ATG3: variants seen among roughly 807,000 people sequenced by gnomAD.
The protein encoded by ATG3 is ubiquitin-like-conjugating enzyme ATG3.
Under a neutral mutation model 50.7 loss-of-function variants are expected in ATG3, and 25 were observed. The observed-to-expected ratio is 0.49, with a 90% CI of 0.36 to 0.69. The LOEUF is 0.69. Ranked by LOEUF, ATG3 falls within the 30% of genes least tolerant of loss-of-function variation. ATG3 has a pLI of 0.00. For missense variants in ATG3, 281 were observed against 376.0 expected (o/e 0.75, Z 2.09); for synonymous variants, 119 against 125.5 (o/e 0.95, Z 0.34).
At chr3:112,544,650 G>A (rs764594377) in intron 5 of ATG3, among the ~76,000 whole-genome samples, 2 of 4,472 alleles carry the variant, frequency 4.5e-4, no homozygotes, top group Admixed American at 0.01. Context: ...GCGAAACTCC[G>A]TCTCAGGGAA....
chr3:112,554,836 C>G (rs1339616898), intron 2 of ATG3, among the ~76,000 whole-genome samples: 1 of 152,098 alleles, frequency 6.6e-6, no homozygotes, highest in Admixed American at 6.6e-5. Context: ...TAAGATGAAA[C>G]ATTAACAAGA....
intron 5 of ATG3, among the ~76,000 whole-genome samples, chr3:112,545,392 A>C (rs1210993741): frequency 6.6e-6 from 1 of 152,236 alleles, no homozygotes; most frequent in Non-Finnish European, 1.5e-5. Flanking sequence ...ATATAGTAAA[A>C]CAATAGCATC....
intron 5 of ATG3, among the ~76,000 whole-genome samples, chr3:112,548,238 G>C (rs1160426203): frequency 6.6e-6 from 1 of 152,148 alleles, no homozygotes; most frequent in African/African-American, 2.4e-5. Context: ...TGTAGTCCCA[G>C]CTACTCGGGA....
chr3:112,554,921 C>G (rs952742124), intron 2 of ATG3, among the ~76,000 whole-genome samples: 4 of 152,048 alleles, frequency 2.6e-5, no homozygotes, highest in Admixed American at 1.3e-4. Flanking sequence ...ATTTAAACAG[C>G]CTAAGTAAAG....
chr3:112,561,154 G>A (rs1006232349), intron 1 of ATG3, among the ~76,000 whole-genome samples: 3 of 152,098 alleles, frequency 2.0e-5, no homozygotes, highest in Non-Finnish European at 2.9e-5. Context: ...TGGATTTAAC[G>A]TTCTTCAATC....
At chr3:112,559,089 G>A (rs1576731020) in intron 1 of ATG3, among the ~76,000 whole-genome samples, 1 of 152,302 alleles carries the variant, frequency 6.6e-6, no homozygotes, top group African/African-American at 2.4e-5. Flanking sequence ...AAGCCTTACA[G>A]TGATTCTGTG....
At chr3:112,550,874 T>A (rs1166598957) in intron 3 of ATG3, among the ~76,000 whole-genome samples, 1 of 152,254 alleles carries the variant, frequency 6.6e-6, no homozygotes, top group East Asian at 1.9e-4. Flanking sequence ...TATTTTCAAT[T>A]AGTCTTCATA....
At chr3:112,552,738 C>T (rs1267739936) in intron 3 of ATG3, among the ~76,000 whole-genome samples, 1 of 151,482 alleles carries the variant, frequency 6.6e-6, no homozygotes, top group African/African-American at 2.4e-5. Flanking sequence ...GCAAGCTCCA[C>T]CTCCCAGGTT....
Position 112,561,755 on chromosome 3 carries a change from C to T in ATG3, c.-227G>A. 1 of 532,032 alleles carries T rather than the reference C, an allele frequency of 1.9e-6. No individual in the cohort carries two copies. The highest frequency in any genetic ancestry group is 2.3e-5 in the South Asian group (1 of 44,254). The allele number at this position is 532,032 out of a possible 1,614,324, so 33.0% of individuals were successfully genotyped here. On this transcript the variant is annotated 5_prime_UTR_variant, in exon 1 of 12. Coordinates refer to ENST00000283290, the MANE Select transcript of ATG3 (RefSeq NM_022488.5). ...CGCGATCCTCGCACCCCAGGCAGCC[C>T]GCGACGGACCGGACCCAGCTGTCAC...
intron 11 of ATG3, chr3:112,533,417 T>C (rs544899897): frequency 3.0e-6 from 3 of 985,280 alleles, no homozygotes; most frequent in African/African-American, 1.7e-5. Context: ...TTAGGCATAA[T>C]AGGACTTCAG....
Position 112,561,774 on chromosome 3 carries a change from CTG to C in ATG3, c.-248_-247del. ...GCAGCCCGCGACGGACCGGACCCAG[CTG>C]TCACCCAGCCGCGAGGGAGGGCAGC... On this transcript the variant is annotated 5_prime_UTR_variant, in exon 1 of 12. Transcript: ENST00000283290. 1 of 501,242 alleles carries C rather than the reference CTG, an allele frequency of 2.0e-6. No homozygotes were observed. The highest frequency in any genetic ancestry group is 3.5e-6 in the Non-Finnish European group (1 of 285,530). 31.0% of individuals were successfully genotyped at this position (501,242 alleles called of 1,614,324 possible).
At chr3:112,542,116 G>A (rs1461809290) in intron 6 of ATG3, among the ~76,000 whole-genome samples, 2 of 139,726 alleles carry the variant, frequency 1.4e-5, no homozygotes, top group Admixed American at 6.9e-5. Context: ...GGAGCAGTAA[G>A]AGTCATCTAA....
chr3:112,543,953 G>T (rs1485661929), intron 6 of ATG3, 104 bp downstream of exon 6: 4 of 810,882 alleles, frequency 4.9e-6, no homozygotes, highest in Non-Finnish European at 7.4e-6. Flanking sequence ...AAAAACCAGG[G>T]TTTTTATAAG....
At chr3:112,561,418 A>G (rs372758373) in intron 1 of ATG3, 39 bp downstream of exon 1, 4 of 1,601,408 alleles carry the variant, frequency 2.5e-6, no homozygotes, top group African/African-American at 2.7e-5. Context: ...AAAGTCGAGC[A>G]TGTGCCTGAC....
intron 5 of ATG3, among the ~76,000 whole-genome samples, chr3:112,544,801 A>T (rs1933329708): frequency 6.6e-6 from 1 of 152,068 alleles, no homozygotes. Flanking sequence ...AGTGCTTGGG[A>T]CCAGAAGTAT....
At chr3:112,533,154 G>A (rs59858117) in intron 11 of ATG3, 54,063 of 988,728 alleles carry the variant, frequency 0.055, 1,634 homozygotes, top group Admixed American at 0.12. Context: ...AGACTATAAT[G>A]AAGTACTATA....
intron 2 of ATG3, among the ~76,000 whole-genome samples, chr3:112,554,189 A>C (rs1002850724): frequency 2.0e-5 from 3 of 152,228 alleles, no homozygotes; most frequent in Non-Finnish European, 2.9e-5. Context: ...CAACTCAAGC[A>C]GGATGTGCAT....
chr3:112,556,374 G>A (rs1297080765), intron 2 of ATG3, among the ~76,000 whole-genome samples: 12 of 148,050 alleles, frequency 8.1e-5, no homozygotes, highest in South Asian at 2.2e-4. Flanking sequence ...CCCTCTGCCC[G>A]GCCAGCCGCC....
intron 1 of ATG3, 144 bp downstream of exon 1, chr3:112,561,313 G>A (rs1933865403): frequency 1.3e-6 from 1 of 796,624 alleles, no homozygotes; most frequent in African/African-American, 1.7e-5. Flanking sequence ...ACTACGGGTG[G>A]GGGCTGCACA....
Sources: allele counts gnomAD v4.1 joint callset (sites outside exome capture counted in the v4.1 genomes callset), GRCh38; gene constraint gnomAD v4.1.1; transcripts MANE v1.5; gene names NCBI Gene and HGNC (gene_info 2026-07-23, HGNC 2026-07-21).